Variants in ZAN observed in about 807,000 individuals in gnomAD.
The protein encoded by ZAN is zonadhesin (gene/pseudogene).
A neutral mutation model predicts 286.2 loss-of-function variants in ZAN; 260 were observed. The observed-to-expected ratio is 0.91, with a 90% CI of 0.82 to 1.01. The LOEUF is 1.01. ZAN is among the 50% of genes least tolerant of loss of function. The pLI is 0.00. For missense variants in ZAN, 3,410 were observed against 3,639.2 expected (o/e 0.94, Z 1.62); for synonymous variants, 1,368 against 1,417.5 (o/e 0.97, Z 0.79).
chr7:100,760,398 G>T lies in ZAN; in HGVS notation c.3704G>T (p.Gly1235Val), dbSNP rs1426145741. Residue 1235 changes from glycine to valine, a missense_variant, in exon 19 of 48, where the codon GGT (glycine) becomes GTT (valine). Coordinates refer to ENST00000613979, the MANE Select transcript of ZAN (RefSeq NM_003386.3). ...CTCTGCCCTGCCTTCCAGGTTGGGGGTCAGCAAGTTACTCTCCCAGCCATA... is the reference window on the plus strand; with the variant it reads ...CTCTGCCCTGCCTTCCAGGTTGGGGTTCAGCAAGTTACTCTCCCAGCCATA... The part of the protein sequence containing the change: ...LLKGRRTLVG[G>V]QQVTLPAIPS... 1.2e-6 allele frequency: 2 copies of T among 1,613,606 alleles called. No individual in the cohort carries two copies. The highest frequency in any genetic ancestry group is 2.2e-5 in the East Asian group (1 of 44,874).
Position 100,748,446 on chromosome 7 carries a change from C to A in ZAN, c.1225C>A (p.Pro409Thr), listed in dbSNP as rs370919932. ...AAATGGACCCGTCCATGGCATGGGC[C>A]CTGCGGGAGGTTTCCCTAATGCAGG... ...HKNGPVHGMG[P>T]AGGFPNAGGH... is the part of the protein sequence containing the mutation. Residue 409 changes from proline (P) to threonine (T), a missense_variant, in exon 11 of 48, where the codon CCT becomes ACT. Coordinates refer to ENST00000613979, the MANE Select transcript of ZAN (RefSeq NM_003386.3). 9.1e-5 allele frequency: 146 copies of A among 1,612,972 alleles called. No homozygotes were observed. The highest frequency in any genetic ancestry group is 1.2e-4 in the Non-Finnish European group (146 of 1,179,580).
intron 19 of ZAN, 61 bp downstream of exon 19, chr7:100,760,597 C>G: frequency 6.3e-7 from 1 of 1,589,802 alleles, no homozygotes; most frequent in South Asian, 1.1e-5. Flanking sequence ...CCTGCTGCCT[C>G]TTCTTCCTGC....
intron 14 of ZAN, 61 bp from the exon 15 acceptor site, chr7:100,755,165 C>T (rs907232431): frequency 1.3e-6 from 2 of 1,538,704 alleles, no homozygotes; most frequent in Non-Finnish European, 1.8e-6. Flanking sequence ...AGAGGAGAGA[C>T]AGGGAGACTC....
Position 100,775,745 on chromosome 7 carries a change from G to C in ZAN, c.6104G>C (p.Ser2035Thr), listed in dbSNP as rs539445. 0.39 allele frequency: 621,432 copies of C among 1,613,654 alleles called. 128,167 individuals are homozygous for C. The highest frequency in any genetic ancestry group is 0.81 in the East Asian group (36,545 of 44,848). The change falls in exon 33 of 48, where the codon AGC becomes ACC. Residue 2035 changes from serine to threonine, a missense_variant. Ser to Thr is a moderately conservative substitution (Grantham distance 58, BLOSUM62 1). Transcript: ENST00000613979. ...AGTGTCAAGTCCAGCAGCATCTACA[G>C]CATTGTTAACATCAAGATCGGGGTG... ...GVSVKSSSIYSIVNIKIGVQV... is the reference protein window; with the variant it reads ...GVSVKSSSIYTIVNIKIGVQV...
intron 11 of ZAN, 30 bp from the exon 12 acceptor site, chr7:100,750,595 T>C: frequency 6.2e-7 from 1 of 1,609,960 alleles, no homozygotes; most frequent in Non-Finnish European, 8.5e-7. Flanking sequence ...TGCAGGCTTC[T>C]TACCTTGCCT....
chr7:100,788,539 G>C (rs1410125269), intron 38 of ZAN, among the ~76,000 whole-genome samples: 1 of 151,952 alleles, frequency 6.6e-6, no homozygotes, highest in African/African-American at 2.4e-5. Flanking sequence ...GTGACAGAGA[G>C]AAACTGTCTC....
rs183268816 is a variant in ZAN, at chr7:100,775,816, A to G, written c.6175A>G (p.Thr2059Ala). ...GNHLLEIEIP[T>A]TYYGKVCGMC... ...TCATCTCTTAGAGATTGAAATCCCC[A>G]CAACCTACTATGGAAAGGTGAGGAA... is the stretch of plus-strand genomic sequence containing the variant. The change falls in exon 33 of 48, where the codon ACA (threonine) becomes GCA (alanine). Residue 2059 changes from threonine to alanine, a missense_variant. Physicochemically the swap from Thr to Ala is moderately conservative, Grantham distance 58 (BLOSUM62 0). Around this residue, in one of 7 missense-constraint regions of ZAN, gnomAD observed 1,289 missense variants for 1,314.3 expected, o/e 0.98. Transcript: ENST00000613979. The G allele has an allele frequency of 1.9e-4, 305 of 1,613,790 alleles. 3 individuals are homozygous for G. The African/African-American group carries it at 3.8e-3, about 20-fold the overall frequency.
In ZAN at chr7:100,797,585, C is replaced by T. The variant is rs369543060; in HGVS notation, c.8375C>T (p.Thr2792Met). The change falls in exon 47 of 48, where the codon ACG (threonine) becomes ATG (methionine). Residue 2792 changes from threonine to methionine, a missense_variant. Thr to Met is a moderately conservative substitution (Grantham distance 81). This residue lies in a region of ZAN where 1,289 missense variants were observed against 1,314.3 expected (regional missense o/e 0.98). Coordinates refer to ENST00000613979, the MANE Select transcript of ZAN (RefSeq NM_003386.3). Reference protein sequence around the residue: ...IYRTRRKREKTQEGDRLARLV... With the variant: ...IYRTRRKREKMQEGDRLARLV... ...TCCCCCATGCCTTCTAGAGAGAAAA[C>T]GCAGGAGGGAGACAGACTGGCCAGG... 1.9e-4 allele frequency: 314 copies of T among 1,613,640 alleles called. 1 individual carries two copies. Among genetic ancestry groups the T allele is most frequent in the Admixed American group, 3.5e-4 (21 of 59,962 alleles).
chr7:100,750,505 C>A, intron 11 of ZAN, 120 bp from the exon 12 acceptor site: 1 of 1,226,242 alleles, frequency 8.2e-7, no homozygotes, highest in Non-Finnish European at 1.1e-6. Context: ...AATAATGCTA[C>A]GACCTGGGAA....
rs1373041364 is a variant in ZAN, at chr7:100,790,963, A to G, written c.7379A>G (p.Tyr2460Cys). The G allele has an allele frequency of 1.2e-6, 2 of 1,612,082 alleles. No individual in the cohort carries two copies. Among genetic ancestry groups the G allele is most frequent in the South Asian group, 2.2e-5 (2 of 90,692 alleles). The change falls in exon 40 of 48, where the codon TAC becomes TGC. Residue 2460 changes from tyrosine (Y) to cysteine (C), a missense_variant. Tyr to Cys is a radical substitution (Grantham distance 194, BLOSUM62 -2). Coordinates refer to ENST00000613979, the MANE Select transcript of ZAN (RefSeq NM_003386.3). ...KNAVISLPSM[Y>C]EGLVSGLCGN... Reference sequence around the variant, plus strand: ...GCAGTGATCTCCCTACCCAGCATGTACGAGGGGCTTGTGAGTGGCCTGTGC... The same window carrying G: ...GCAGTGATCTCCCTACCCAGCATGTGCGAGGGGCTTGTGAGTGGCCTGTGC...
rs751470697 is a variant in ZAN, at chr7:100,767,150, G to A, written c.4753G>A (p.Ala1585Thr). ...CCAAGACAGCTATTTTGTTGTGAGC[G>A]CCACCAACGAGAACCGCGGGGGGAT... ...RSQDSYFVVS[A>T]TNENRGGILE... The change falls in exon 25 of 48, where the codon GCC becomes ACC. Residue 1585 changes from alanine (A) to threonine (T), a missense_variant. Ala to Thr is a moderately conservative substitution (Grantham distance 58). Around this residue, in one of 7 missense-constraint regions of ZAN, gnomAD observed 1,042 missense variants for 1,058.0 expected, o/e 0.98. Transcript: ENST00000613979. The A allele has an allele frequency of 1.9e-5, 30 of 1,613,656 alleles. No individual in the cohort carries two copies. In the South Asian group the frequency reaches 2.0e-4, roughly 11 times the overall value.
chr7:100,792,029 G>A lies in ZAN; in HGVS notation c.7593G>A (p.Val2531=), dbSNP rs1812002597. 6.2e-7 allele frequency: 1 copy of A among 1,613,368 alleles called. No homozygotes were observed. ...TGGGCCTCCGCACGGGCCTCCAAGT[G>A]TCCGAATGTAGCCCGGAGCAGCTGG... is the stretch of plus-strand genomic sequence containing the variant. The part of the protein sequence containing the change: ...AELGLRTGLQ[V]SECSPEQLAS... Residue 2531 remains valine (V), a synonymous_variant, in exon 41 of 48, where the codon GTG becomes GTA. Coordinates refer to ENST00000613979, the MANE Select transcript of ZAN (RefSeq NM_003386.3).
intron 18 of ZAN, 54 bp from the exon 19 acceptor site, chr7:100,760,337 G>T: frequency 1.9e-6 from 3 of 1,595,040 alleles, no homozygotes; most frequent in South Asian, 1.1e-5. Flanking sequence ...AGTCTGCTGG[G>T]GTCCTCCTTG....
chr7:100,796,048 C>G (rs1054899432), intron 45 of ZAN, among the ~76,000 whole-genome samples: 11 of 152,108 alleles, frequency 7.2e-5, no homozygotes, highest in Non-Finnish European at 2.9e-5. Flanking sequence ...CTACTGCGCT[C>G]CAGCCTGGGC....
At chr7:100,773,528 C>T in intron 30 of ZAN, 35 bp downstream of exon 30, 1 of 1,606,490 alleles carries the variant, frequency 6.2e-7, no homozygotes, top group South Asian at 1.1e-5. Flanking sequence ...CCGCCCTTTC[C>T]AGGCCCACAT....
Position 100,748,175 on chromosome 7 carries a change from A to T in ZAN, c.1062A>T (p.Pro354=). 6.2e-7 allele frequency: 1 copy of T among 1,613,870 alleles called. No homozygotes were observed. The highest frequency in any genetic ancestry group is 8.5e-7 in the Non-Finnish European group (1 of 1,179,874). Residue 354 remains proline, a synonymous_variant, in exon 10 of 48, where the codon CCA becomes CCT. Coordinates refer to ENST00000613979, the MANE Select transcript of ZAN (RefSeq NM_003386.3). ...GCGTTTTTGGAAAGACCCCAGAGCCAGCTGTGGCAGTTGATGCAACCAGCA... is the reference window on the plus strand; with the variant it reads ...GCGTTTTTGGAAAGACCCCAGAGCCTGCTGTGGCAGTTGATGCAACCAGCA... ...VVGVFGKTPE[P]AVAVDATSIA... is the part of the protein sequence containing the mutation.
At chr7:100,770,230 C>T (rs1181859421) in intron 28 of ZAN, among the ~76,000 whole-genome samples, 3 of 150,804 alleles carry the variant, frequency 2.0e-5, no homozygotes, top group Admixed American at 1.3e-4. Context: ...ATAGGCTGGG[C>T]GCAGTGGCTC....
At position 100,749,654 on chromosome 7, in the gene ZAN, ATAT is replaced by A. The variant is rs1562921353; in HGVS notation, c.1250-970_1250-968del. On this transcript the variant is annotated intron_variant, in intron 11 of 47. Transcript: ENST00000613979. ...GACTCCGTCTCAAAAAAAAAAAAATATATATATATATATATATATATACACACA... is the reference window on the plus strand; with the variant it reads ...GACTCCGTCTCAAAAAAAAAAAAATAATATATATATATATATATACACACA... Among the ~76,000 whole-genome samples the A allele has an allele frequency of 1.3e-3, 103 of 80,444 alleles. 4 individuals carry two copies. Among genetic ancestry groups the A allele is most frequent in the African/African-American group, 3.3e-3 (74 of 22,472 alleles). The allele number at this position is 80,444 out of a possible 152,430, so 52.8% of individuals were successfully genotyped here. A position where few individuals can be genotyped will look rare whatever the true frequency, so the allele number is the denominator to read the frequency against.
At chr7:100,783,221 T>C (rs1184202991) in intron 35 of ZAN, among the ~76,000 whole-genome samples, 1 of 152,226 alleles carries the variant, frequency 6.6e-6, no homozygotes, top group East Asian at 1.9e-4. Flanking sequence ...TGAGCTGAGA[T>C]TGTGCCATTG....
Sources: gnomAD v4.1 joint callset for allele counts (sites outside exome capture counted in the v4.1 genomes callset) on GRCh38, gnomAD v4.1.1 for gene constraint, gnomAD v4.1.1 regional missense constraint, MANE v1.5 for transcripts, NCBI Gene and HGNC (gene_info 2026-07-23, HGNC 2026-07-21) for gene names.